The following CCDC6 variants were observed in gnomAD, a reference collection of about 807,000 sequenced individuals.
CCDC6 encodes coiled-coil domain-containing protein 6.
Under a neutral mutation model 56.6 loss-of-function variants are expected in CCDC6, and 20 were observed. The observed-to-expected ratio is 0.35, with a 90% CI of 0.25 to 0.51. The LOEUF (loss-of-function observed/expected upper bound fraction) is 0.51. Among genes scored for constraint, CCDC6 ranks in the 20% least tolerant of loss-of-function variants. The probability of loss-of-function intolerance (pLI) is 0.95; values close to 1 mark genes in which losing one functional copy is unlikely to be tolerated. For missense variants in CCDC6, 367 were observed against 601.1 expected (o/e 0.61, Z 4.07); for synonymous variants, 241 against 234.4 (o/e 1.03, Z -0.26).
At chr10:59,836,731 T>C (rs1388051959) in intron 2 of CCDC6, among the ~76,000 whole-genome samples, 1 of 152,236 alleles carries the variant, frequency 6.6e-6, no homozygotes, top group East Asian at 1.9e-4. Flanking sequence ...ATAACCCTTA[T>C]TTGTGCTATA....
intron 2 of CCDC6, among the ~76,000 whole-genome samples, chr10:59,833,036 A>G (rs926264674): frequency 6.6e-6 from 1 of 152,254 alleles, no homozygotes; most frequent in Admixed American, 6.5e-5. Flanking sequence ...TACTTAGGTA[A>G]ATTATTCAGA....
At chr10:59,833,649 G>T (rs1025854177) in intron 2 of CCDC6, among the ~76,000 whole-genome samples, 2 of 141,166 alleles carry the variant, frequency 1.4e-5, no homozygotes, top group Non-Finnish European at 3.2e-5. Flanking sequence ...CTGGGGGGGG[G>T]GGGGGTTTGT....
Position 59,791,724 on chromosome 10 carries a change from C to T in CCDC6, c.*1193G>A, listed in dbSNP as rs560540428. On this transcript the variant is annotated 3_prime_UTR_variant, in exon 9 of 9. Coordinates refer to ENST00000263102, the MANE Select transcript of CCDC6 (RefSeq NM_005436.5). ...GAAAAACAAAAATTAAGATGTTGCACGTGTTAAGAAAAGAGTGACTCAGTG... is the reference window on the plus strand; with the variant it reads ...GAAAAACAAAAATTAAGATGTTGCATGTGTTAAGAAAAGAGTGACTCAGTG... 3 of 211,814 alleles carry T rather than the reference C, an allele frequency of 1.4e-5. No homozygotes were observed. Among genetic ancestry groups the T allele is most frequent in the East Asian group, 7.1e-5 (1 of 14,008 alleles). 13.1% of individuals were successfully genotyped at this position (211,814 alleles called of 1,614,324 possible). A position where few individuals can be genotyped will look rare whatever the true frequency, so the allele number is the denominator to read the frequency against.
At chr10:59,892,286 C>G (rs1452429639) in intron 1 of CCDC6, among the ~76,000 whole-genome samples, 1 of 152,182 alleles carries the variant, frequency 6.6e-6, no homozygotes, top group Non-Finnish European at 1.5e-5. Flanking sequence ...GGAAAGAGCT[C>G]TGTAACTGAC....
intron 1 of CCDC6, among the ~76,000 whole-genome samples, chr10:59,905,596 C>T (rs1452425191): frequency 6.6e-6 from 1 of 152,168 alleles, no homozygotes; most frequent in African/African-American, 2.4e-5. Flanking sequence ...CCCGGATTCC[C>T]GGCCACTCTC....
chr10:59,880,444 G>A (rs1158793621), intron 1 of CCDC6, among the ~76,000 whole-genome samples: 1 of 152,170 alleles, frequency 6.6e-6, no homozygotes, highest in Non-Finnish European at 1.5e-5. Context: ...CACTTAAAAA[G>A]TACACACTGT....
chr10:59,882,564 CCG>C lies in CCDC6; in HGVS notation c.303+23556_303+23557del, dbSNP rs142735036. Among the ~76,000 whole-genome samples the C allele has an allele frequency of 3.2e-3, 45 of 14,010 alleles. 14 individuals carry two copies. The highest frequency in any genetic ancestry group is 7.7e-3 in the Admixed American group (10 of 1,294). The allele number at this position is 14,010 out of a possible 152,430, so 9.2% of individuals were successfully genotyped here. On this transcript the variant is annotated intron_variant, in intron 1 of 8. Transcript: ENST00000263102. ...AGCCGCGGGGAGAAGGAAAGGAAAG[CCG>C]CGGGGAGAAGGAAAGGAAAGCCGCG... is the stretch of plus-strand genomic sequence containing the variant.
At chr10:59,829,467 CG>C (rs2070817116) in intron 3 of CCDC6, among the ~76,000 whole-genome samples, 1 of 152,118 alleles carries the variant, frequency 6.6e-6, no homozygotes, top group Non-Finnish European at 1.5e-5. Context: ...AAAAATTATA[CG>C]TGAATGTTCA....
intron 1 of CCDC6, among the ~76,000 whole-genome samples, chr10:59,862,570 T>TACATACAC (rs1169317577): frequency 3.1e-5 from 3 of 96,368 alleles, no homozygotes; most frequent in African/African-American, 1.3e-4. Context: ...TATATACACA[T>TACATACAC]ACACACACAC....
Position 59,791,729 on chromosome 10 carries a change from TAAGAA to T in CCDC6, c.*1183_*1187del, listed in dbSNP as rs1385601430. On this transcript the variant is annotated 3_prime_UTR_variant, in exon 9 of 9. Transcript: ENST00000263102. ...ACAAAAATTAAGATGTTGCACGTGT[TAAGAA>T]AAGAGTGACTCAGTGTTCCACTGCA... is the stretch of plus-strand genomic sequence containing the variant. 3.8e-5 allele frequency: 8 copies of T among 212,698 alleles called. No homozygotes were observed. Among genetic ancestry groups the T allele is most frequent in the African/African-American group, 1.1e-4 (5 of 44,274 alleles). The allele number at this position is 212,698 out of a possible 1,614,324, so 13.2% of individuals were successfully genotyped here.
At chr10:59,882,568 G>GGC (rs2071351003) in intron 1 of CCDC6, among the ~76,000 whole-genome samples, 1 of 41,420 alleles carries the variant, frequency 2.4e-5, no homozygotes, top group Non-Finnish European at 6.4e-5. Context: ...GGAAAGCCGC[G>GGC]GGGAGAAGGA....
chr10:59,877,622 G>A (rs535029399), intron 1 of CCDC6, among the ~76,000 whole-genome samples: 1 of 152,294 alleles, frequency 6.6e-6, no homozygotes, highest in South Asian at 2.1e-4. Context: ...AGAGACAGTG[G>A]AGGAGCCAGC....
intron 1 of CCDC6, among the ~76,000 whole-genome samples, chr10:59,857,376 A>G (rs1037018239): frequency 1.1e-4 from 17 of 152,206 alleles, no homozygotes; most frequent in Non-Finnish European, 1.9e-4. Context: ...CACAAATTTG[A>G]TAGGAGATTC....
At chr10:59,894,816 T>C (rs2071450126) in intron 1 of CCDC6, among the ~76,000 whole-genome samples, 1 of 152,002 alleles carries the variant, frequency 6.6e-6, no homozygotes, top group Admixed American at 6.6e-5. Flanking sequence ...GCACAGACTG[T>C]CCCCCATGCG....
Position 59,852,619 on chromosome 10 carries a change from G to C in CCDC6, c.387C>G (p.Thr129=). ...CTTCTTTCTCATAATTTACAGCAAG[G>C]GTTTCTTTCTCCTTCTGCAAAGCCT... ...KIQALQKEKE[T]LAVNYEKEEE... Residue 129 remains threonine, a synonymous_variant, in exon 2 of 9, where the codon ACC becomes ACG. Transcript: ENST00000263102. The C allele has an allele frequency of 6.2e-7, 1 of 1,603,022 alleles. No individual in the cohort carries two copies. The highest frequency in any genetic ancestry group is 8.5e-7 in the Non-Finnish European group (1 of 1,175,672).
At chr10:59,798,488 T>C (rs1018293144) in intron 7 of CCDC6, among the ~76,000 whole-genome samples, 1 of 152,246 alleles carries the variant, frequency 6.6e-6, no homozygotes, top group African/African-American at 2.4e-5. Flanking sequence ...TTTCCAATTG[T>C]GGAGTTTTTA....
intron 1 of CCDC6, among the ~76,000 whole-genome samples, chr10:59,881,997 G>A: frequency 7.1e-6 from 1 of 141,754 alleles, no homozygotes. Flanking sequence ...GAGGGAGAAG[G>A]AAAGCTGGGG....
intron 3 of CCDC6, among the ~76,000 whole-genome samples, chr10:59,823,000 T>C (rs2070759714): frequency 6.6e-6 from 1 of 152,130 alleles, no homozygotes; most frequent in East Asian, 1.9e-4. Flanking sequence ...GGCGTAACTT[T>C]GGAGAAGACT....
chr10:59,860,565 C>G (rs942111685), intron 1 of CCDC6, among the ~76,000 whole-genome samples: 13 of 152,014 alleles, frequency 8.6e-5, no homozygotes, highest in African/African-American at 3.1e-4. Context: ...GCAAGAACAC[C>G]GAGGAAAGTG....
Sources: gnomAD v4.1 joint callset for allele counts (sites outside exome capture counted in the v4.1 genomes callset) on GRCh38, gnomAD v4.1.1 for gene constraint, MANE v1.5 for transcripts, NCBI Gene and HGNC (gene_info 2026-07-23, HGNC 2026-07-21) for gene names.